HDAC7: variants seen among roughly 807,000 people sequenced by gnomAD.
The protein encoded by HDAC7 is histone deacetylase 7A.
Under a neutral mutation model 115.5 loss-of-function variants are expected in HDAC7, and 26 were observed. The observed-to-expected ratio is 0.23, with a 90% confidence interval of 0.16 to 0.31. HDAC7 has a LOEUF of 0.31. Among genes scored for constraint, HDAC7 ranks in the 10% least tolerant of loss-of-function variants. HDAC7 has a pLI of 1.00. For synonymous variants in HDAC7, 564 were observed against 550.9 expected, an observed-to-expected ratio of 1.02 and a Z score of -0.33; for missense variants, 1,068 against 1,329.0, an observed-to-expected ratio of 0.80 and a Z score of 3.05.
intron 1 of HDAC7, among the ~76,000 whole-genome samples, chr12:47,810,497 CCA>C (rs1287625441): frequency 2.6e-5 from 4 of 152,344 alleles, no homozygotes; most frequent in Admixed American, 2.6e-4. Flanking sequence ...CAGCCTGTTC[CCA>C]CAAAGTGTGC....
chr12:47,800,490 A>G (rs1195434505), intron 2 of HDAC7, among the ~76,000 whole-genome samples: 4 of 152,186 alleles, frequency 2.6e-5, no homozygotes, highest in Admixed American at 6.5e-5. Flanking sequence ...GCCTGGAGGG[A>G]CAGTGATGGC....
Position 47,798,027 on chromosome 12 carries a change from AGTGT to A in HDAC7, c.461+77_461+80del, listed in dbSNP as rs370753945. The stretch of plus-strand genomic sequence containing the variant: ...GTGGCAACTGGGGAGGAAGGAGGCA[AGTGT>A]GTGTGCTCATGGCTAACACGGGGGC... On this transcript the variant is annotated intron_variant, in intron 5 of 25. Transcript: ENST00000080059. This position sits in a 1 kb window ranked among gnomAD's most constrained non-coding sequence, Gnocchi z 4.3. 1.5e-3 allele frequency: 1,367 copies of A among 932,864 alleles called. 16 individuals are homozygous for A. The African/African-American group carries it at 0.023, about 16-fold the overall frequency. The allele number at this position is 932,864 out of a possible 1,614,324, so 57.8% of individuals were successfully genotyped here.
At chr12:47,785,665 C>T in intron 23 of HDAC7, 87 bp downstream of exon 23, 1 of 1,490,736 alleles carries the variant, frequency 6.7e-7, no homozygotes, top group South Asian at 1.3e-5. Flanking sequence ...CACCCTGTCC[C>T]ATCCCATCTG....
intron 13 of HDAC7, chr12:47,792,418 G>A (rs1224604905): frequency 1.7e-5 from 6 of 346,008 alleles, no homozygotes; most frequent in African/African-American, 1.3e-4. Context: ...CTACCAAGGG[G>A]CAGCAGGAGG....
chr12:47,786,076 A>G, intron 22 of HDAC7, 191 bp from the exon 23 acceptor site: 1 of 610,154 alleles, frequency 1.6e-6, no homozygotes, highest in Non-Finnish European at 2.7e-6. Context: ...AGGCTCAGGG[A>G]GGTTAAGGGC....
At chr12:47,802,614 G>T in intron 1 of HDAC7, 1 of 745,538 alleles carries the variant, frequency 1.3e-6, no homozygotes, top group Non-Finnish European at 2.2e-6. Context: ...TCCCTGGGCA[G>T]CCAAACCAGG....
Position 47,795,020 on chromosome 12 carries a change from A to C in HDAC7, c.1285-87T>G, listed in dbSNP as rs561182284. Reference sequence around the variant, plus strand: ...GGTGGGCTGGGCCAGGCAGCCAGTCATCTTGCTAGGACTCCAGCTGCCATG... The same window carrying C: ...GGTGGGCTGGGCCAGGCAGCCAGTCCTCTTGCTAGGACTCCAGCTGCCATG... On this transcript the variant is annotated intron_variant, in intron 11 of 25. Coordinates refer to ENST00000080059, the MANE Select transcript of HDAC7 (RefSeq NM_015401.5). The surrounding 1 kb of genome is among the most constrained non-coding windows in gnomAD (Gnocchi z 4.3). 1.4e-6 allele frequency: 2 copies of C among 1,429,526 alleles called. No homozygotes were observed. The highest frequency in any genetic ancestry group is 1.9e-6 in the Non-Finnish European group (2 of 1,042,504). 88.6% of individuals were successfully genotyped at this position (1,429,526 alleles called of 1,614,324 possible).
Position 47,793,589 on chromosome 12 carries a change from C to T in HDAC7, c.1459-1G>A, listed in dbSNP as rs1436425294. ...GTCGCTGCTGTTCCCAGAGCAACAC[C>T]TAGGGGAAAGATGGGGCCTTGGTCT... On this transcript the variant is annotated splice_acceptor_variant, in intron 12 of 25. Transcript: ENST00000080059. LOFTEE classifies it high-confidence loss of function. This position sits in a 1 kb window ranked among gnomAD's most constrained non-coding sequence, Gnocchi z 4.5. 1.3e-6 allele frequency: 2 copies of T among 1,533,206 alleles called. No individual in the cohort carries two copies. Among genetic ancestry groups the T allele is most frequent in the Non-Finnish European group, 1.8e-6 (2 of 1,136,730 alleles). The allele number at this position is 1,533,206 out of a possible 1,614,324, so 95.0% of individuals were successfully genotyped here.
chr12:47,787,502 T>C (rs888249912), intron 21 of HDAC7, among the ~76,000 whole-genome samples: 5 of 152,272 alleles, frequency 3.3e-5, no homozygotes, highest in Admixed American at 1.3e-4. Flanking sequence ...CAGTTTGACA[T>C]TGGCTCTCGG....
intron 14 of HDAC7, 63 bp downstream of exon 14, chr12:47,791,808 A>AC: frequency 2.7e-5 from 14 of 510,800 alleles, no homozygotes; most frequent in South Asian, 1.9e-4. Flanking sequence ...AGGGCCCCCC[A>AC]CCCCTCCCCT....
rs768884658 is a variant in HDAC7 at position 47,791,947 on chromosome 12, C to T, written c.1736G>A (p.Arg579Lys). The T allele has an allele frequency of 6.2e-7, 1 of 1,611,350 alleles. No homozygotes were observed. Among genetic ancestry groups the T allele is most frequent in the Admixed American group, 1.7e-5 (1 of 59,874 alleles). Residue 579 changes from arginine (R) to lysine (K), a missense_variant, in exon 14 of 26, where the codon AGG becomes AAG. By Grantham distance (26) the Arg-to-Lys change is conservative (BLOSUM62 2). Coordinates refer to ENST00000080059, the MANE Select transcript of HDAC7 (RefSeq NM_015401.5). Reference sequence around the variant, plus strand: ...GATGCGGCCGGCGTGCTCCGGGTGCCTGCTGTTGTCACCGCAGGAGCACTG... The same window carrying T: ...GATGCGGCCGGCGTGCTCCGGGTGCTTGCTGTTGTCACCGCAGGAGCACTG... Reference protein sequence around the residue: ...KHQCSCGDNSRHPEHAGRIQS... With the variant: ...KHQCSCGDNSKHPEHAGRIQS...
intron 22 of HDAC7, 43 bp downstream of exon 22, chr12:47,786,542 G>A: frequency 1.4e-6 from 2 of 1,415,418 alleles, no homozygotes; most frequent in Non-Finnish European, 2.0e-6. Flanking sequence ...CGCACCGCCT[G>A]GCTCTCTGTC....
At chr12:47,801,739 C>T (rs1159495709) in intron 2 of HDAC7, among the ~76,000 whole-genome samples, 1 of 152,192 alleles carries the variant, frequency 6.6e-6, no homozygotes, top group African/African-American at 2.4e-5. Context: ...AGTCCTTCCC[C>T]AGGGCAGCCT....
At chr12:47,792,073 C>A in intron 13 of HDAC7, 69 bp from the exon 14 acceptor site, 1 of 1,495,032 alleles carries the variant, frequency 6.7e-7, no homozygotes, top group Non-Finnish European at 9.0e-7. Context: ...CTGCAGAGAA[C>A]ACGCCAGCAC....
Position 47,791,867 on chromosome 12 carries a change from T to G in HDAC7, c.1812+4A>C, listed in dbSNP as rs1385522869. 7.6e-7 allele frequency: 1 copy of G among 1,320,578 alleles called. No individual in the cohort carries two copies. The highest frequency in any genetic ancestry group is 2.2e-5 in the Admixed American group (1 of 46,268). The allele number at this position is 1,320,578 out of a possible 1,614,324, so 81.8% of individuals were successfully genotyped here. A position where few individuals can be genotyped will look rare whatever the true frequency, so the allele number is the denominator to read the frequency against. On this transcript the variant is annotated splice_donor_region_variant and intron_variant, in intron 14 of 25. Transcript: ENST00000080059. ...TTCCTCGGGCCCCACCCGCGCCTCC[T>G]CACCTCACACTGGCTCCGGAGCCCC...
intron 21 of HDAC7, among the ~76,000 whole-genome samples, chr12:47,787,239 G>C (rs1323459087): frequency 1.9e-5 from 1 of 53,090 alleles, no homozygotes; most frequent in Non-Finnish European, 3.8e-5. Context: ...CCTCTTCCAG[G>C]CCCCCCCCCA....
chr12:47,790,772 G>C (rs2240107), intron 16 of HDAC7: 17,839 of 182,938 alleles, frequency 0.098, 1,798 homozygotes, highest in Admixed American at 0.3. Flanking sequence ...CAAAGCTCGC[G>C]AGCGGAGTTT....
intron 1 of HDAC7, among the ~76,000 whole-genome samples, chr12:47,816,757 G>C (rs928607154): frequency 6.6e-6 from 1 of 152,180 alleles, no homozygotes; most frequent in Non-Finnish European, 1.5e-5. Context: ...TGTAGGAGGA[G>C]GGAGACTGGA....
chr12:47,805,757 G>A (rs1165054336), intron 1 of HDAC7, among the ~76,000 whole-genome samples: 1 of 152,212 alleles, frequency 6.6e-6, no homozygotes, highest in African/African-American at 2.4e-5. Context: ...AGAGAAAGAA[G>A]GGGCTAGGTC....
Sources: gnomAD v4.1 joint callset for allele counts (sites outside exome capture counted in the v4.1 genomes callset) on GRCh38, gnomAD v4.1.1 for gene constraint, Gnocchi (gnomAD v3.1) non-coding constraint, MANE v1.5 for transcripts, NCBI Gene and HGNC (gene_info 2026-07-23, HGNC 2026-07-21) for gene names.